The following KLHL29 variants were observed in gnomAD, a reference collection of about 807,000 sequenced individuals.
The protein encoded by KLHL29 is kelch-like protein 29.
KLHL29 carries 21 observed loss-of-function variants against 80.4 expected under a neutral mutation model. The ratio of observed to expected loss-of-function variants is 0.26; its 90% CI spans 0.19 to 0.38. The LOEUF (loss-of-function observed/expected upper bound fraction) is 0.38. KLHL29 is among the 10% of genes least tolerant of loss of function. The pLI, the probability that KLHL29 is intolerant of heterozygous loss-of-function variation, is 1.00. For synonymous variants in KLHL29, 511 were observed against 526.8 expected (o/e 0.97, Z 0.41); for missense variants, 867 against 1,223.9 (o/e 0.71, Z 4.35).
chr2:23,467,573 T>A (rs1664385850), intron 1 of KLHL29, among the ~76,000 whole-genome samples: 1 of 152,322 alleles, frequency 6.6e-6, no homozygotes, highest in African/African-American at 2.4e-5. Context: ...ATAAAATAGC[T>A]TTTTTACTGA....
chr2:23,485,866 G>A (rs1213815152), intron 2 of KLHL29, among the ~76,000 whole-genome samples: 1 of 152,220 alleles, frequency 6.6e-6, no homozygotes, highest in Admixed American at 6.5e-5. Context: ...GACTAAATGA[G>A]TTAACATAAT....
At chr2:23,512,647 G>A (rs1035822063) in intron 2 of KLHL29, among the ~76,000 whole-genome samples, 6 of 152,222 alleles carry the variant, frequency 3.9e-5, no homozygotes, top group South Asian at 2.1e-4. Context: ...TGTTCTCTAA[G>A]GACTGGGTAG....
chr2:23,576,751 G>T (rs879677476), intron 3 of KLHL29, among the ~76,000 whole-genome samples: 2 of 152,198 alleles, frequency 1.3e-5, no homozygotes, highest in Non-Finnish European at 2.9e-5. Flanking sequence ...TGGACTGTGC[G>T]TTTTTCCTCC....
rs747900140 is a variant in KLHL29, at chr2:23,706,576, C to T, written c.2540C>T (p.Thr847Ile). ...AACATGGAGGCCTACGAGCCCACAA[C>T]CAACACATGGACCCTCCTCCCCCAC... ...LGNMEAYEPT[T>I]NTWTLLPHMP... Residue 847 changes from threonine to isoleucine, a missense_variant, in exon 14 of 14, where the codon ACC (threonine) becomes ATC (isoleucine). Thr to Ile is a moderately conservative substitution (Grantham distance 89, BLOSUM62 -1). Around this residue, in one of 2 missense-constraint regions of KLHL29, gnomAD observed 443 missense variants for 767.0 expected, o/e 0.58. Coordinates refer to ENST00000486442, the MANE Select transcript of KLHL29 (RefSeq NM_052920.2). The T allele has an allele frequency of 5.5e-5, 85 of 1,537,244 alleles. 1 individual carries two copies. In the East Asian group the frequency reaches 1.8e-3, roughly 32 times the overall value.
intron 1 of KLHL29, among the ~76,000 whole-genome samples, chr2:23,436,778 A>G (rs1187463027): frequency 6.6e-6 from 1 of 152,232 alleles, no homozygotes; most frequent in Non-Finnish European, 1.5e-5. Flanking sequence ...ATTTAAGCCC[A>G]TGTCTTGCTA....
intron 5 of KLHL29, among the ~76,000 whole-genome samples, chr2:23,657,982 G>A (rs1363799635): frequency 1.3e-5 from 2 of 152,118 alleles, no homozygotes; most frequent in Non-Finnish European, 2.9e-5. Flanking sequence ...GGGGCAGTTC[G>A]TGGAGCCAGC....
rs1672300447 is a variant in KLHL29, at chr2:23,700,585, C to T, written c.2106-2601C>T. Among the ~76,000 whole-genome samples, 1 of 152,178 alleles carries T rather than the reference C, an allele frequency of 6.6e-6. No individual in the cohort carries two copies. Among genetic ancestry groups the T allele is most frequent in the Non-Finnish European group, 1.5e-5 (1 of 68,032 alleles). ...AACCAGCAAACGCTACAAACCATGA[C>T]GTTTTCCCTAGAGAGCTGGCTGTTA... On this transcript the variant is annotated intron_variant, in intron 11 of 13. Coordinates refer to ENST00000486442, the MANE Select transcript of KLHL29 (RefSeq NM_052920.2). The surrounding 1 kb of genome is among the most constrained non-coding windows in gnomAD (Gnocchi z 4.6).
Position 23,406,196 on chromosome 2 carries a change from C to T in KLHL29, c.-154+20416C>T, listed in dbSNP as rs558171755. Among the ~76,000 whole-genome samples, 11 of 151,908 alleles carry T rather than the reference C, an allele frequency of 7.2e-5. No individual in the cohort carries two copies. The East Asian group carries it at 1.4e-3, about 19-fold the overall frequency. On this transcript the variant is annotated intron_variant, in intron 1 of 13. Coordinates refer to ENST00000486442, the MANE Select transcript of KLHL29 (RefSeq NM_052920.2). ...TACAAAAATTAATCGGGCATGGTGG[C>T]GGGCACCTGTGATCTCAGCTACTCG...
intron 1 of KLHL29, among the ~76,000 whole-genome samples, chr2:23,412,125 G>A (rs55910248): frequency 5.4e-5 from 2 of 36,942 alleles, no homozygotes; most frequent in Admixed American, 2.6e-4. Flanking sequence ...TGCGTGAAGG[G>A]GGGGGGGGGG....
chr2:23,479,480 G>A lies in KLHL29; in HGVS notation c.-46+3813G>A, dbSNP rs918700923. Among the ~76,000 whole-genome samples the A allele has an allele frequency of 5.9e-5, 9 of 151,932 alleles. No individual in the cohort carries two copies. In the East Asian group the frequency reaches 7.8e-4, roughly 13 times the overall value. On this transcript the variant is annotated intron_variant, in intron 2 of 13. Coordinates refer to ENST00000486442, the MANE Select transcript of KLHL29 (RefSeq NM_052920.2). The stretch of plus-strand genomic sequence containing the variant: ...TGAGCTGCCGTCCTCCAGCTCCACC[G>A]CCTCCTCCTGCCAGGAAGGGAAGCT...
chr2:23,634,220 C>T (rs1669549482), intron 3 of KLHL29, among the ~76,000 whole-genome samples: 1 of 152,210 alleles, frequency 6.6e-6, no homozygotes, highest in Admixed American at 6.5e-5. Context: ...TGGTACAGAG[C>T]ATCGTGGCCT....
At chr2:23,565,694 G>A (rs989464189) in intron 3 of KLHL29, among the ~76,000 whole-genome samples, 28 of 152,306 alleles carry the variant, frequency 1.8e-4, no homozygotes, top group South Asian at 2.1e-4. Flanking sequence ...GAGGTTGGCC[G>A]GGTAGAAGCC....
At chr2:23,533,300 C>T (rs1020573584) in intron 2 of KLHL29, among the ~76,000 whole-genome samples, 15 of 152,142 alleles carry the variant, frequency 9.9e-5, no homozygotes, top group African/African-American at 3.6e-4. Flanking sequence ...TTGATGCGGA[C>T]TCTTGCATCC....
intron 1 of KLHL29, among the ~76,000 whole-genome samples, chr2:23,471,326 G>A (rs555619612): frequency 1.2e-4 from 18 of 152,096 alleles, no homozygotes; most frequent in Admixed American, 2.6e-4. Context: ...TAAAAACATG[G>A]TGTATTTTAT....
At chr2:23,501,781 G>A (rs1665452406) in intron 2 of KLHL29, among the ~76,000 whole-genome samples, 1 of 152,036 alleles carries the variant, frequency 6.6e-6, no homozygotes, top group South Asian at 2.1e-4. Flanking sequence ...TTTGGCATGC[G>A]GTTCAATCAG....
At chr2:23,541,782 A>AAAC (rs1196990810) in intron 2 of KLHL29, among the ~76,000 whole-genome samples, 1 of 151,978 alleles carries the variant, frequency 6.6e-6, no homozygotes, top group Admixed American at 6.6e-5. Flanking sequence ...CAAAAAAAAA[A>AAAC]AAACCATAAA....
At chr2:23,637,654 G>A (rs184216075) in intron 3 of KLHL29, among the ~76,000 whole-genome samples, 76 of 152,164 alleles carry the variant, frequency 5.0e-4, no homozygotes, top group Non-Finnish European at 9.6e-4. Flanking sequence ...GCTGTGTGTC[G>A]TCTGCACTAT....
At chr2:23,514,173 T>C (rs1391593645) in intron 2 of KLHL29, among the ~76,000 whole-genome samples, 1 of 152,152 alleles carries the variant, frequency 6.6e-6, no homozygotes, top group Non-Finnish European at 1.5e-5. Context: ...GGGAGGCATC[T>C]GTAATTATGC....
chr2:23,692,201 C>T (rs1205492657), intron 7 of KLHL29, among the ~76,000 whole-genome samples: 1 of 152,244 alleles, frequency 6.6e-6, no homozygotes, highest in African/African-American at 2.4e-5. Context: ...GGCTATGGCC[C>T]TGGCCTCACA....
Sources: allele counts gnomAD v4.1 joint callset (sites outside exome capture counted in the v4.1 genomes callset), GRCh38; gene constraint gnomAD v4.1.1; regional missense constraint gnomAD v4.1.1; non-coding constraint Gnocchi (gnomAD v3.1); transcripts MANE v1.5; gene names NCBI Gene and HGNC (gene_info 2026-07-23, HGNC 2026-07-21).